Variants in MAP2 observed in about 807,000 individuals in gnomAD.
The protein encoded by MAP2 is microtubule-associated protein 2.
MAP2 carries 14 observed loss-of-function variants against 137.6 expected under a neutral mutation model. The observed-to-expected ratio is 0.10, with a 90% confidence interval of 0.07 to 0.16. MAP2 has a LOEUF of 0.16. Ranked by LOEUF, MAP2 falls within the 10% of genes least tolerant of loss-of-function variation. The pLI, the probability that MAP2 is intolerant of heterozygous loss-of-function variation, is 1.00. For missense variants in MAP2, 2,088 were observed against 2,191.5 expected (o/e 0.95, Z 0.94); for synonymous variants, 786 against 782.3 (o/e 1.00, Z -0.08).
intron 1 of MAP2, among the ~76,000 whole-genome samples, chr2:209,428,674 T>G (rs1310431743): frequency 6.6e-6 from 1 of 151,882 alleles, no homozygotes. Context: ...TTCTCAAGGC[T>G]CCATCCCTAT....
intron 1 of MAP2, among the ~76,000 whole-genome samples, chr2:209,503,972 T>C (rs1328423141): frequency 6.6e-6 from 1 of 152,112 alleles, no homozygotes; most frequent in Non-Finnish European, 1.5e-5. Flanking sequence ...GAAACGCACA[T>C]GTAATCCCAG....
rs1169028833 is a variant in MAP2 at position 209,441,062 on chromosome 2, T to C, written c.-222+16786T>C. On this transcript the variant is annotated intron_variant, in intron 1 of 15. Transcript: ENST00000682079. ...TAAAATCATCATTTATGGTCATGTA[T>C]AAAAATGATGATTCTAATGCATAAC... 3.3e-5 allele frequency among the ~76,000 whole-genome samples: 5 copies of C among 151,546 alleles called. No individual in the cohort carries two copies. The Admixed American group carries it at 3.3e-4, about 10-fold the overall frequency.
At position 209,733,491 on chromosome 2, in the gene MAP2, CA is replaced by C. The variant is rs2076052179; in HGVS notation, c.*3095del. On this transcript the variant is annotated 3_prime_UTR_variant, in exon 16 of 16. Transcript: ENST00000682079. ...ACACACACACACACACACACACACA[CA>C]CCTACAGTAATACAGCAAGCGTGGA... 2.8e-5 allele frequency: 4 copies of C among 140,500 alleles called. No homozygotes were observed. The South Asian group carries it at 9.1e-4, about 32-fold the overall frequency. The allele number at this position is 140,500 out of a possible 1,614,324, so 8.7% of individuals were successfully genotyped here.
Position 209,693,452 on chromosome 2 carries a change from C to A in MAP2, c.1282C>A (p.Pro428Thr), listed in dbSNP as rs766673783. Reference sequence around the variant, plus strand: ...TGTGCAGCAAAGGGATACTTTCACCCCCAGTGGACAGGAACCTATACTTAC... The same window carrying A: ...TGTGCAGCAAAGGGATACTTTCACCACCAGTGGACAGGAACCTATACTTAC... ...ETVQQRDTFTPSGQEPILTEK... is the reference protein window; with the variant it reads ...ETVQQRDTFTTSGQEPILTEK... The change falls in exon 8 of 16, where the codon CCC becomes ACC. Residue 428 changes from proline to threonine, a missense_variant. Around this residue, in one of 6 missense-constraint regions of MAP2, gnomAD observed 859 missense variants for 794.5 expected, o/e 1.08. Transcript: ENST00000682079. 1.2e-6 allele frequency: 2 copies of A among 1,613,932 alleles called. No individual in the cohort carries two copies. The highest frequency in any genetic ancestry group is 1.7e-6 in the Non-Finnish European group (2 of 1,179,978).
At chr2:209,487,735 C>A (rs534958918) in intron 1 of MAP2, among the ~76,000 whole-genome samples, 8 of 152,176 alleles carry the variant, frequency 5.3e-5, no homozygotes, top group Non-Finnish European at 1.2e-4. Flanking sequence ...AACTCTCTTA[C>A]TTCATTATCC....
chr2:209,528,341 G>A (rs1032013560), intron 2 of MAP2, among the ~76,000 whole-genome samples: 5 of 152,096 alleles, frequency 3.3e-5, no homozygotes, highest in African/African-American at 7.2e-5. Context: ...GAAATATTAC[G>A]TAGATATTAT....
intron 2 of MAP2, among the ~76,000 whole-genome samples, chr2:209,518,831 A>G (rs2062884550): frequency 6.6e-6 from 1 of 152,094 alleles, no homozygotes; most frequent in Non-Finnish European, 1.5e-5. Flanking sequence ...ACACATGGGA[A>G]CTAGATGTTC....
chr2:209,697,686 T>G lies in MAP2; in HGVS notation c.4522+635T>G, dbSNP rs190882871. ...AAGATTTTCACTCTACTGAACTACA[T>G]CTCTTAGCTGACATTTTGTCATGGA... On this transcript the variant is annotated intron_variant, in intron 10 of 15. Coordinates refer to ENST00000682079, the MANE Select transcript of MAP2 (RefSeq NM_001375505.1). Among the ~76,000 whole-genome samples, 24 of 152,318 alleles carry G rather than the reference T, an allele frequency of 1.6e-4. No individual in the cohort carries two copies. The East Asian group carries it at 3.9e-3, about 24-fold the overall frequency.
intron 1 of MAP2, among the ~76,000 whole-genome samples, chr2:209,472,931 G>A (rs1397849971): frequency 1.3e-5 from 2 of 152,120 alleles, no homozygotes; most frequent in African/African-American, 4.8e-5. Context: ...TTCAAACAAT[G>A]TATAGGGATT....
rs1174225177 is a variant in MAP2, at chr2:209,696,032, G to A, written c.3862G>A (p.Glu1288Lys). The stretch of plus-strand genomic sequence containing the variant: ...AGTGATTGAGTCTGTTGTGACCATC[G>A]AGGATGATTTCATCACTGTAGTGCA... Reference protein sequence around the residue: ...KGVIESVVTIEDDFITVVQTT... With the variant: ...KGVIESVVTIKDDFITVVQTT... The change falls in exon 8 of 16, where the codon GAG becomes AAG. Residue 1288 changes from glutamate (E) to lysine (K), a missense_variant. Around this residue, in one of 6 missense-constraint regions of MAP2, gnomAD observed 591 missense variants for 642.6 expected, o/e 0.92. Coordinates refer to ENST00000682079, the MANE Select transcript of MAP2 (RefSeq NM_001375505.1). 1.5e-5 allele frequency: 24 copies of A among 1,613,968 alleles called. No homozygotes were observed. Among genetic ancestry groups the A allele is most frequent in the South Asian group, 2.2e-5 (2 of 91,090 alleles).
chr2:209,719,845 C>T (rs774280968), intron 13 of MAP2, among the ~76,000 whole-genome samples: 1 of 151,924 alleles, frequency 6.6e-6, no homozygotes, highest in Non-Finnish European at 1.5e-5. Context: ...GCTATATGAC[C>T]CTTATGTGAA....
rs1044251854 is a variant in MAP2 at position 209,470,260 on chromosome 2, G to A, written c.-221-37332G>A. 2.6e-5 allele frequency among the ~76,000 whole-genome samples: 4 copies of A among 152,240 alleles called. No homozygotes were observed. In the South Asian group the frequency reaches 6.2e-4, roughly 24 times the overall value. On this transcript the variant is annotated intron_variant, in intron 1 of 15. Transcript: ENST00000682079. Reference sequence around the variant, plus strand: ...AAGATCATTAGAAACAGCTTGTCATGTACATGCACAGTGCCCCTTGGCACT... The same window carrying A: ...AAGATCATTAGAAACAGCTTGTCATATACATGCACAGTGCCCCTTGGCACT...
chr2:209,515,895 T>G (rs950251596), intron 2 of MAP2, among the ~76,000 whole-genome samples: 1 of 152,098 alleles, frequency 6.6e-6, no homozygotes, highest in Non-Finnish European at 1.5e-5. Context: ...CAAGTGATCC[T>G]TCTTGCCTTA....
At chr2:209,548,890 G>A (rs971687658) in intron 2 of MAP2, among the ~76,000 whole-genome samples, 2 of 152,070 alleles carry the variant, frequency 1.3e-5, no homozygotes, top group African/African-American at 4.8e-5. Flanking sequence ...GGCCTCCCCA[G>A]CCATGCAGAA....
intron 1 of MAP2, among the ~76,000 whole-genome samples, chr2:209,471,111 T>G (rs1405238959): frequency 2.6e-5 from 4 of 152,170 alleles, no homozygotes; most frequent in Non-Finnish European, 4.4e-5. Flanking sequence ...TAGTCTCACT[T>G]CTACCATTCT....
rs58596249 is a variant in MAP2 at position 209,434,814 on chromosome 2, CCTCT to C, written c.-222+10555_-222+10558del. On this transcript the variant is annotated intron_variant, in intron 1 of 15. Transcript: ENST00000682079. ...TCCAGCCTGCATGACAGAGCCAGAT[CCTCT>C]CTCTCTCTCTCTCTCTATATATATA... is the stretch of plus-strand genomic sequence containing the variant. Among the ~76,000 whole-genome samples, 221 of 103,288 alleles carry C rather than the reference CCTCT, an allele frequency of 2.1e-3. 2 individuals are homozygous for C. The highest frequency in any genetic ancestry group is 0.01 in the African/African-American group (206 of 20,060). The allele number at this position is 103,288 out of a possible 152,430, so 67.8% of individuals were successfully genotyped here.
At chr2:209,702,176 A>G (rs187535979) in intron 11 of MAP2, among the ~76,000 whole-genome samples, 1 of 152,146 alleles carries the variant, frequency 6.6e-6, no homozygotes, top group Non-Finnish European at 1.5e-5. Flanking sequence ...CATTTTTAGG[A>G]AATTTTTAAG....
At chr2:209,438,274 A>G (rs987800903) in intron 1 of MAP2, among the ~76,000 whole-genome samples, 1 of 151,710 alleles carries the variant, frequency 6.6e-6, no homozygotes, top group Non-Finnish European at 1.5e-5. Flanking sequence ...TAAATGGAGT[A>G]TGAATATTTA....
chr2:209,648,286 G>T (rs2094538385), intron 4 of MAP2, among the ~76,000 whole-genome samples: 1 of 151,532 alleles, frequency 6.6e-6, no homozygotes, highest in Non-Finnish European at 1.5e-5. Context: ...ATTTTTCTTG[G>T]GACAGGGTTT....
Sources: gnomAD v4.1 joint callset for allele counts (sites outside exome capture counted in the v4.1 genomes callset) on GRCh38, gnomAD v4.1.1 for gene constraint, gnomAD v4.1.1 regional missense constraint, MANE v1.5 for transcripts, NCBI Gene and HGNC (gene_info 2026-07-23, HGNC 2026-07-21) for gene names.